The following SLC66A3 variants were observed in gnomAD, a reference collection of about 807,000 sequenced individuals.
SLC66A3 encodes the protein PQ loop repeat containing 3.
In SLC66A3, 23 loss-of-function variants were observed where a neutral mutation model predicts 25.5. The ratio of observed to expected loss-of-function variants is 0.90; its 90% CI spans 0.65 to 1.28. The LOEUF (loss-of-function observed/expected upper bound fraction) is 1.28, where lower values mean the gene tolerates loss of function less well. SLC66A3 is among the 50% of genes most tolerant of loss of function. The pLI is 0.00. For missense variants in SLC66A3, 246 were observed against 262.1 expected, an observed-to-expected ratio of 0.94 and a Z score of 0.42; for synonymous variants, 108 against 112.6, an observed-to-expected ratio of 0.96 and a Z score of 0.26.
intron 1 of SLC66A3, among the ~76,000 whole-genome samples, chr2:11,156,081 G>T (rs1353020642): frequency 1.3e-5 from 2 of 152,196 alleles, no homozygotes; most frequent in Admixed American, 6.5e-5. Context: ...TCGTTCTCGG[G>T]CCTCGGTTTC....
At position 11,178,484 on chromosome 2, in the gene SLC66A3, C is replaced by A. The variant is rs1662848315; in HGVS notation, c.*656C>A. ...AAGGTACTAGGATTAGCTGCAATCT[C>A]TACTTTCGATGAGGAAATCCCAGTA... On this transcript the variant is annotated 3_prime_UTR_variant, in exon 7 of 7. Transcript: ENST00000295083. The A allele has an allele frequency of 1.3e-5, 2 of 152,650 alleles. No homozygotes were observed. Among genetic ancestry groups the A allele is most frequent in the East Asian group, 3.8e-4 (2 of 5,200 alleles). The allele number at this position is 152,650 out of a possible 1,614,324, so 9.5% of individuals were successfully genotyped here.
At chr2:11,156,620 GT>G (rs1380148843) in intron 1 of SLC66A3, among the ~76,000 whole-genome samples, 1 of 152,094 alleles carries the variant, frequency 6.6e-6, no homozygotes, top group Non-Finnish European at 1.5e-5. Context: ...AGGGTGAGGG[GT>G]CCCACTCAGG....
At chr2:11,174,895 GAA>G (rs576643305) in intron 5 of SLC66A3, 71 bp from the exon 6 acceptor site, 3 of 980,674 alleles carry the variant, frequency 3.1e-6, no homozygotes, top group Non-Finnish European at 4.8e-6. Flanking sequence ...TATTAAAAGG[GAA>G]AGACATTATT....
chr2:11,158,908 G>A (rs1662006013), intron 1 of SLC66A3, among the ~76,000 whole-genome samples: 3 of 152,240 alleles, frequency 2.0e-5, no homozygotes, highest in Non-Finnish European at 4.4e-5. Context: ...TTGAATCCCA[G>A]GGAAAGCAGG....
intron 1 of SLC66A3, 35 bp downstream of exon 1, chr2:11,155,724 C>T (rs1572170529): frequency 7.5e-7 from 1 of 1,337,170 alleles, no homozygotes; most frequent in East Asian, 2.9e-5. Flanking sequence ...GCCTCCTGCC[C>T]CCTCGCAGCT....
chr2:11,163,606 C>A (rs761587895), intron 3 of SLC66A3, among the ~76,000 whole-genome samples: 18 of 152,354 alleles, frequency 1.2e-4, no homozygotes, highest in Admixed American at 3.3e-4. Context: ...CCCAAGGGCA[C>A]TCCAGAGACT....
intron 3 of SLC66A3, 99 bp from the exon 4 acceptor site, chr2:11,164,105 T>C (rs1572181778): frequency 1.4e-6 from 1 of 705,788 alleles, no homozygotes; most frequent in Non-Finnish European, 2.4e-6. Context: ...CCACCTGGCT[T>C]CTGCGTGCCG....
At chr2:11,161,381 T>G (rs1296103854) in intron 3 of SLC66A3, among the ~76,000 whole-genome samples, 2 of 151,626 alleles carry the variant, frequency 1.3e-5, no homozygotes, top group African/African-American at 4.8e-5. Context: ...TCGGTCAAGC[T>G]TGATTGCCTT....
chr2:11,168,214 G>A (rs997576823), intron 4 of SLC66A3, among the ~76,000 whole-genome samples: 1 of 151,900 alleles, frequency 6.6e-6, no homozygotes, highest in Non-Finnish European at 1.5e-5. Context: ...GAACCCGGGA[G>A]GCAGAGGTTG....
At chr2:11,177,365 C>T (rs1016399685) in intron 6 of SLC66A3, among the ~76,000 whole-genome samples, 6 of 150,958 alleles carry the variant, frequency 4.0e-5, no homozygotes, top group African/African-American at 9.8e-5. Context: ...GGAGCTGAGG[C>T]GGGAGAATCA....
At chr2:11,168,814 C>T (rs1157019540) in intron 4 of SLC66A3, among the ~76,000 whole-genome samples, 1 of 152,120 alleles carries the variant, frequency 6.6e-6, no homozygotes, top group African/African-American at 2.4e-5. Flanking sequence ...TCTTGGTCAA[C>T]TCCTCTGCCC....
chr2:11,174,681 GAGAC>G (rs1316302628), intron 5 of SLC66A3, among the ~76,000 whole-genome samples: 4 of 151,778 alleles, frequency 2.6e-5, no homozygotes, highest in Admixed American at 6.6e-5. Flanking sequence ...ATTTTCAGTA[GAGAC>G]AGACAGGGTT....
intron 4 of SLC66A3, among the ~76,000 whole-genome samples, chr2:11,170,971 A>G (rs955020241): frequency 1.3e-5 from 2 of 152,074 alleles, no homozygotes; most frequent in African/African-American, 4.8e-5. Flanking sequence ...CCCAACTTCA[A>G]ACTAGCTCTG....
chr2:11,157,570 GC>G (rs1226612802), intron 1 of SLC66A3, among the ~76,000 whole-genome samples: 1 of 152,212 alleles, frequency 6.6e-6, no homozygotes, highest in Non-Finnish European at 1.5e-5. Context: ...ACCAGATCAG[GC>G]AGCAGCCGGA....
chr2:11,160,147 A>C, intron 1 of SLC66A3: 2 of 397,748 alleles, frequency 5.0e-6, no homozygotes, highest in Non-Finnish European at 4.6e-6. Flanking sequence ...GTGGGCCCAG[A>C]AGGCCCAGTC....
At chr2:11,165,874 G>A (rs1030581101) in intron 4 of SLC66A3, among the ~76,000 whole-genome samples, 7 of 152,096 alleles carry the variant, frequency 4.6e-5, no homozygotes, top group Non-Finnish European at 8.8e-5. Context: ...AAACCAGTCA[G>A]GCGTGGCGGC....
chr2:11,158,666 A>C (rs906100747), intron 1 of SLC66A3, among the ~76,000 whole-genome samples: 2 of 152,020 alleles, frequency 1.3e-5, no homozygotes, highest in Admixed American at 1.3e-4. Flanking sequence ...CGCCTCAAAA[A>C]AAAGAAATTA....
rs780726639 is a variant in SLC66A3, at chr2:11,157,865, A to AGGGCTCTGCT, written c.143+2186_143+2195dup. Among the ~76,000 whole-genome samples the AGGGCTCTGCT allele has an allele frequency of 2.3e-4, 35 of 152,142 alleles. 1 individual carries two copies. The highest frequency in any genetic ancestry group is 5.0e-4 in the Non-Finnish European group (34 of 68,014). On this transcript the variant is annotated intron_variant, in intron 1 of 6. Coordinates refer to ENST00000295083, the MANE Select transcript of SLC66A3 (RefSeq NM_152391.5). ...CAACCTTGCTGCTTCTCCTGCCTCC[A>AGGGCTCTGCT]GGGCTCTGCTGGGCTCTGCCTCCCT...
intron 6 of SLC66A3, among the ~76,000 whole-genome samples, chr2:11,176,525 C>CTT (rs775778444): frequency 0.33 from 29,027 of 87,194 alleles, 7,151 homozygotes; most frequent in Non-Finnish European, 0.46. Flanking sequence ...CTGGGAATAA[C>CTT]TTTTTTTTTT....
Sources: allele counts gnomAD v4.1 joint callset (sites outside exome capture counted in the v4.1 genomes callset), GRCh38; gene constraint gnomAD v4.1.1; transcripts MANE v1.5; gene names NCBI Gene and HGNC (gene_info 2026-07-23, HGNC 2026-07-21).